The following PUDP variants were observed in gnomAD, a reference collection of about 807,000 sequenced individuals.
PUDP encodes pseudouridine 5'-phosphatase, also known as pseudouridine-5'-phosphatase.
Under a neutral mutation model 9.4 loss-of-function variants are expected in PUDP, and 8 were observed. The ratio of observed to expected loss-of-function variants is 0.85; its 90% confidence interval spans 0.50 to 1.53. PUDP has a LOEUF of 1.53. PUDP is among the 40% of genes most tolerant of loss of function. PUDP has a pLI of 0.00. For synonymous variants in PUDP, 99 were observed against 80.7 expected (o/e 1.23, Z -1.22); for missense variants, 188 against 189.7 (o/e 0.99, Z 0.05).
chrX:6,871,644 A>G (rs899671489), intron 3 of PUDP, among the ~76,000 whole-genome samples: 1 of 111,346 alleles, frequency 9.0e-6, no homozygotes, highest in Non-Finnish European at 1.9e-5. Context: ...AACATTATTG[A>G]ATGTCCAGGT....
At chrX:6,801,153 A>G (rs1925926096) in intron 3 of PUDP, among the ~76,000 whole-genome samples, 1 of 112,175 alleles carries the variant, frequency 8.9e-6, no homozygotes, top group South Asian at 3.7e-4. Context: ...TTAAAAAGAA[A>G]AAGAAAAAGA....
intron 3 of PUDP, among the ~76,000 whole-genome samples, chrX:7,075,420 G>T (rs759436148): frequency 9.0e-6 from 1 of 111,568 alleles, no homozygotes; most frequent in African/African-American, 3.3e-5. Flanking sequence ...CAGGAGAATC[G>T]CTTGAACCCG....
intron 2 of PUDP, among the ~76,000 whole-genome samples, chrX:7,085,780 CTG>C: frequency 8.9e-6 from 1 of 111,744 alleles, no homozygotes; most frequent in East Asian, 2.8e-4. Flanking sequence ...AAAGTGTCTC[CTG>C]GACCAGACTC....
intron 3 of PUDP, among the ~76,000 whole-genome samples, chrX:7,071,299 G>A (rs930843467): frequency 4.5e-5 from 5 of 110,936 alleles, no homozygotes. Flanking sequence ...GTTCCCTGAA[G>A]GAAATCACAT....
At chrX:6,712,098 T>A (rs1294845589) in intron 1 of PUDP, among the ~76,000 whole-genome samples, 1 of 112,103 alleles carries the variant, frequency 8.9e-6, no homozygotes, top group East Asian at 2.8e-4. Context: ...AACCAAAGGA[T>A]GCAATGCCCT....
At chrX:7,039,973 G>A (rs1929900220) in intron 1 of PUDP, among the ~76,000 whole-genome samples, 2 of 112,121 alleles carry the variant, frequency 1.8e-5, no homozygotes, top group Admixed American at 9.4e-5. Flanking sequence ...TTAGGAGGAG[G>A]AATACTAACC....
intron 3 of PUDP, among the ~76,000 whole-genome samples, chrX:6,906,830 A>G (rs1569120926): frequency 1.8e-5 from 2 of 111,896 alleles, no homozygotes; most frequent in African/African-American, 6.5e-5. Context: ...GGCAGCTTCC[A>G]GCACACTGAA....
chrX:6,747,714 T>C (rs1030766956), intron 3 of PUDP, among the ~76,000 whole-genome samples: 2 of 112,431 alleles, frequency 1.8e-5, no homozygotes, highest in East Asian at 5.6e-4. Flanking sequence ...CAAAGCACCA[T>C]ATACCAAGTG....
At chrX:6,979,799 A>G (rs995349540) in intron 1 of PUDP, among the ~76,000 whole-genome samples, 2 of 111,490 alleles carry the variant, frequency 1.8e-5, no homozygotes, top group African/African-American at 6.5e-5. Flanking sequence ...ATCAAAAAGG[A>G]GAAAGAATTG....
At chrX:6,857,584 C>T (rs1023830424) in intron 3 of PUDP, among the ~76,000 whole-genome samples, 1 of 111,431 alleles carries the variant, frequency 9.0e-6, no homozygotes, top group African/African-American at 3.3e-5. Context: ...CAGGCACATG[C>T]CACCATACCT....
At chrX:6,943,465 C>A (rs370156953) in intron 3 of PUDP, among the ~76,000 whole-genome samples, 2 of 111,570 alleles carry the variant, frequency 1.8e-5, no homozygotes, top group African/African-American at 6.5e-5. Context: ...CATTTATTAT[C>A]CCAGATTTTT....
At chrX:6,960,276 T>C (rs1928688010) in intron 3 of PUDP, among the ~76,000 whole-genome samples, 1 of 112,701 alleles carries the variant, frequency 8.9e-6, no homozygotes, top group South Asian at 3.7e-4. Context: ...ATAGTGTTAA[T>C]AGGCGGGACC....
chrX:6,922,578 C>T (rs1429480577), intron 3 of PUDP, among the ~76,000 whole-genome samples: 5 of 111,947 alleles, frequency 4.5e-5, no homozygotes, highest in East Asian at 2.8e-4. Context: ...TATGTTTTCC[C>T]GCTTTTCTTA....
At chrX:7,002,696 G>T (rs1419643012) in intron 1 of PUDP, among the ~76,000 whole-genome samples, 2 of 111,439 alleles carry the variant, frequency 1.8e-5, no homozygotes, top group Non-Finnish European at 3.8e-5. Context: ...GGAGTGTAGT[G>T]TGCAGAAGAG....
intron 3 of PUDP, among the ~76,000 whole-genome samples, chrX:6,841,308 T>C (rs976540007): frequency 9.1e-6 from 1 of 109,711 alleles, no homozygotes; most frequent in Non-Finnish European, 1.9e-5. Flanking sequence ...ATAAAATATT[T>C]TGGCCAGGTG....
intron 3 of PUDP, among the ~76,000 whole-genome samples, chrX:6,943,204 G>A (rs1047349717): frequency 9.0e-6 from 1 of 111,616 alleles, no homozygotes; most frequent in African/African-American, 3.3e-5. Context: ...TCTATGGCAC[G>A]TACAATTCAA....
intron 1 of PUDP, among the ~76,000 whole-genome samples, chrX:7,116,795 T>C (rs1433332860): frequency 9.0e-6 from 1 of 111,396 alleles, no homozygotes; most frequent in Non-Finnish European, 1.9e-5. Flanking sequence ...TGGTGGGAGG[T>C]ATACTGATCA....
chrX:7,044,587 G>C (rs1929961965), downstream of PUDP, among the ~76,000 whole-genome samples: 1 of 112,085 alleles, frequency 8.9e-6, no homozygotes. Context: ...TAATCGAATT[G>C]TGCCCCAGTT....
intron 3 of PUDP, among the ~76,000 whole-genome samples, chrX:6,787,007 C>G (rs1925658692): frequency 9.2e-6 from 1 of 108,612 alleles, no homozygotes; most frequent in South Asian, 4.2e-4. Context: ...CTGTCTCTCC[C>G]CCCACCCCCC....
Sources: gnomAD v4.1 joint callset for allele counts (sites outside exome capture counted in the v4.1 genomes callset) on GRCh38, gnomAD v4.1.1 for gene constraint, MANE v1.5 for transcripts, NCBI Gene and HGNC (gene_info 2026-07-23, HGNC 2026-07-21) for gene names.